The following RNGTT variants were observed in gnomAD, a reference collection of about 807,000 sequenced individuals.
The protein encoded by RNGTT is mRNA-capping enzyme.
In RNGTT, 33 loss-of-function variants were observed where a neutral mutation model predicts 79.3. The observed-to-expected ratio is 0.42, with a 90% CI of 0.32 to 0.56. RNGTT has a LOEUF of 0.56. RNGTT is among the 20% of genes least tolerant of loss of function. The pLI, the probability that RNGTT is intolerant of heterozygous loss-of-function variation, is 0.17. For missense variants in RNGTT, 497 were observed against 739.1 expected (o/e 0.67, Z 3.80); for synonymous variants, 222 against 235.9 (o/e 0.94, Z 0.54).
intron 14 of RNGTT, among the ~76,000 whole-genome samples, chr6:88,656,729 C>T (rs1773991847): frequency 6.7e-6 from 1 of 150,148 alleles, no homozygotes; most frequent in Non-Finnish European, 1.5e-5. Flanking sequence ...GAGGACTGAG[C>T]TTCTTTGAAA....
At chr6:88,861,131 A>G (rs972769124) in intron 8 of RNGTT, among the ~76,000 whole-genome samples, 1 of 152,178 alleles carries the variant, frequency 6.6e-6, no homozygotes, top group South Asian at 2.1e-4. Context: ...TTTCTATACA[A>G]GCTACCTTTC....
chr6:88,948,457 C>T (rs1431451630), intron 1 of RNGTT, among the ~76,000 whole-genome samples: 19 of 142,974 alleles, frequency 1.3e-4, no homozygotes, highest in Non-Finnish European at 2.8e-4. Flanking sequence ...AGCCCCTCTG[C>T]CCGGCCAGCC....
intron 14 of RNGTT, among the ~76,000 whole-genome samples, chr6:88,637,749 CCCATCTGCA>C (rs1773152213): frequency 6.6e-6 from 1 of 151,934 alleles, no homozygotes; most frequent in Non-Finnish European, 1.5e-5. Context: ...AAAATAAGGC[CCCATCTGCA>C]ATGGTTTGTA....
chr6:88,908,396 C>T (rs1318112080), intron 4 of RNGTT, among the ~76,000 whole-genome samples: 1 of 152,152 alleles, frequency 6.6e-6, no homozygotes, highest in Non-Finnish European at 1.5e-5. Context: ...AGCCACCACA[C>T]TTTGAACCAC....
At chr6:88,773,885 G>A (rs779397045) in intron 12 of RNGTT, among the ~76,000 whole-genome samples, 48 of 152,092 alleles carry the variant, frequency 3.2e-4, no homozygotes, top group Admixed American at 5.2e-4. Flanking sequence ...AAGGCTCTGC[G>A]ATCTTAGATT....
chr6:88,961,341 ATG>A (rs557479580), intron 1 of RNGTT, among the ~76,000 whole-genome samples: 8 of 151,068 alleles, frequency 5.3e-5, no homozygotes, highest in East Asian at 2.0e-4. Context: ...GTGTGTATGT[ATG>A]TGTGTGTGTG....
intron 13 of RNGTT, among the ~76,000 whole-genome samples, chr6:88,764,101 G>C (rs1389968894): frequency 6.6e-6 from 1 of 152,088 alleles, no homozygotes; most frequent in Non-Finnish European, 1.5e-5. Context: ...ACCCTATAAG[G>C]CCTCCTCCAA....
chr6:88,949,903 A>G (rs1785184463), intron 1 of RNGTT, among the ~76,000 whole-genome samples: 1 of 152,250 alleles, frequency 6.6e-6, no homozygotes, highest in Non-Finnish European at 1.5e-5. Context: ...TAGACAAAAC[A>G]GCCTTCTATT....
intron 13 of RNGTT, among the ~76,000 whole-genome samples, chr6:88,761,443 A>G (rs1484044540): frequency 3.9e-5 from 6 of 152,090 alleles, no homozygotes; most frequent in Non-Finnish European, 7.4e-5. Context: ...GTGAGCTGAG[A>G]TTGCACCACT....
At chr6:88,939,061 C>T (rs1784761807) in intron 2 of RNGTT, among the ~76,000 whole-genome samples, 1 of 152,160 alleles carries the variant, frequency 6.6e-6, no homozygotes, top group African/African-American at 2.4e-5. Context: ...TGACTTTTAA[C>T]AGTTTGACTA....
chr6:88,853,921 ATTTT>A (rs371087729), intron 8 of RNGTT, among the ~76,000 whole-genome samples, 157 bp from the exon 9 acceptor site: 3 of 143,238 alleles, frequency 2.1e-5, no homozygotes, highest in Admixed American at 7.0e-5. Flanking sequence ...ACAAATAATA[ATTTT>A]TTTTTTTTTT....
At chr6:88,764,096 A>G (rs75976457) in intron 13 of RNGTT, among the ~76,000 whole-genome samples, 4,445 of 152,258 alleles carry the variant, frequency 0.029, 81 homozygotes, top group Non-Finnish European at 0.046. Flanking sequence ...TATGAACCCT[A>G]TAAGGCCTCC....
chr6:88,717,725 G>T (rs1776568780), intron 13 of RNGTT, among the ~76,000 whole-genome samples: 1 of 152,142 alleles, frequency 6.6e-6, no homozygotes, highest in Non-Finnish European at 1.5e-5. Flanking sequence ...TCTCTATCCA[G>T]GAAGCGGGCA....
rs150884751 is a variant in RNGTT, at chr6:88,843,803, G to A, written c.1269+554C>T. On this transcript the variant is annotated intron_variant, in intron 11 of 15. Transcript: ENST00000369485. Reference sequence around the variant, plus strand: ...GAGTTCCTGACCTTGTGATCTGCCCGCCTTGGCCTCCCAAAGTGCTGGGAT... The same window carrying A: ...GAGTTCCTGACCTTGTGATCTGCCCACCTTGGCCTCCCAAAGTGCTGGGAT... 3.2e-3 allele frequency among the ~76,000 whole-genome samples: 483 copies of A among 151,026 alleles called. 3 individuals are homozygous for A. Among genetic ancestry groups the A allele is most frequent in the African/African-American group, 9.8e-3 (406 of 41,224 alleles).
At chr6:88,681,169 G>C (rs1447282944) in intron 13 of RNGTT, among the ~76,000 whole-genome samples, 1 of 152,090 alleles carries the variant, frequency 6.6e-6, no homozygotes, top group Non-Finnish European at 1.5e-5. Flanking sequence ...CATACAAATA[G>C]ATGCTAGAAA....
At chr6:88,725,393 G>C (rs9362547) in intron 13 of RNGTT, among the ~76,000 whole-genome samples, 1 of 151,376 alleles carries the variant, frequency 6.6e-6, no homozygotes, top group South Asian at 2.1e-4. Context: ...GGTTGGGACT[G>C]AGGAAAAAGC....
intron 8 of RNGTT, among the ~76,000 whole-genome samples, chr6:88,878,735 C>T (rs994155991): frequency 6.6e-6 from 1 of 152,136 alleles, no homozygotes; most frequent in Non-Finnish European, 1.5e-5. Context: ...ATTTGCTTTG[C>T]TTTCAGAAGA....
At chr6:88,839,662 A>G (rs977939694) in intron 11 of RNGTT, among the ~76,000 whole-genome samples, 1 of 152,210 alleles carries the variant, frequency 6.6e-6, no homozygotes, top group Non-Finnish European at 1.5e-5. Flanking sequence ...GGATGGATAC[A>G]CTAAAAGCTA....
intron 13 of RNGTT, among the ~76,000 whole-genome samples, chr6:88,743,855 T>G (rs1777573006): frequency 6.6e-6 from 1 of 152,208 alleles, no homozygotes; most frequent in Admixed American, 6.5e-5. Context: ...TTTAATTTTT[T>G]GAGGAATGAC....
Sources: allele counts gnomAD v4.1 joint callset (sites outside exome capture counted in the v4.1 genomes callset), GRCh38; gene constraint gnomAD v4.1.1; transcripts MANE v1.5; gene names NCBI Gene and HGNC (gene_info 2026-07-23, HGNC 2026-07-21).